ITGA4: variants seen among roughly 807,000 people sequenced by gnomAD.
The protein encoded by ITGA4 is integrin subunit alpha 4, also known as integrin alpha-4.
Under a neutral mutation model 133.6 loss-of-function variants are expected in ITGA4, and 63 were observed. The observed-to-expected ratio is 0.47, with a 90% CI of 0.38 to 0.58. The LOEUF is 0.58. Among genes scored for constraint, ITGA4 ranks in the 20% least tolerant of loss-of-function variants. The probability of loss-of-function intolerance (pLI) is 0.00; values close to 1 mark genes in which losing one functional copy is unlikely to be tolerated. For missense variants in ITGA4, 1,076 were observed against 1,252.7 expected, an observed-to-expected ratio of 0.86 and a Z score of 2.13; for synonymous variants, 483 against 438.0, an observed-to-expected ratio of 1.10 and a Z score of -1.28.
chr2:181,534,669 C>T (rs1687017913), intron 26 of ITGA4, 147 bp from the exon 27 acceptor site: 1 of 686,280 alleles, frequency 1.5e-6, no homozygotes, highest in African/African-American at 1.8e-5. Context: ...GTGTTTCCTG[C>T]AATTATATTA....
At position 181,537,211 on chromosome 2, in the gene ITGA4, G is replaced by T. The variant is rs1559063081; in HGVS notation, c.*1684G>T. 2.2e-6 allele frequency: 1 copy of T among 453,064 alleles called. No individual in the cohort carries two copies. Among genetic ancestry groups the T allele is most frequent in the Non-Finnish European group, 4.4e-6 (1 of 226,026 alleles). The allele number at this position is 453,064 out of a possible 1,614,324, so 28.1% of individuals were successfully genotyped here. A position where few individuals can be genotyped will look rare whatever the true frequency, so the allele number is the denominator to read the frequency against. ...AGATGAAAAATCAAGCCCCGATTTA[G>T]AACTGTCTTCTCCAGGATGGTCTCT... On this transcript the variant is annotated 3_prime_UTR_variant, in exon 28 of 28. Coordinates refer to ENST00000397033, the MANE Select transcript of ITGA4 (RefSeq NM_000885.6).
intron 5 of ITGA4, 116 bp from the exon 6 acceptor site, chr2:181,480,021 C>A: frequency 1.6e-6 from 1 of 608,196 alleles, no homozygotes; most frequent in Non-Finnish European, 2.5e-6. Flanking sequence ...ACAGAATATT[C>A]CTACTTCAGG....
At chr2:181,500,475 A>C (rs1686244537) in intron 15 of ITGA4, among the ~76,000 whole-genome samples, 2 of 152,186 alleles carry the variant, frequency 1.3e-5, no homozygotes, top group Admixed American at 1.3e-4. Flanking sequence ...ATAAGACAGC[A>C]ACCTGAATTC....
At position 181,538,308 on chromosome 2, in the gene ITGA4, A is replaced by G. The variant is rs987285651; in HGVS notation, c.*2781A>G. On this transcript the variant is annotated 3_prime_UTR_variant, in exon 28 of 28. Coordinates refer to ENST00000397033, the MANE Select transcript of ITGA4 (RefSeq NM_000885.6). ...TGTTTTTCACATACACCTAATAAGTATGGTACACAATGCCAATGCCAAATA... is the reference window on the plus strand; with the variant it reads ...TGTTTTTCACATACACCTAATAAGTGTGGTACACAATGCCAATGCCAAATA... 3 of 890,778 alleles carry G rather than the reference A, an allele frequency of 3.4e-6. No individual in the cohort carries two copies. Among genetic ancestry groups the G allele is most frequent in the South Asian group, 2.8e-5 (2 of 71,906 alleles). 55.2% of individuals were successfully genotyped at this position (890,778 alleles called of 1,614,324 possible).
intron 10 of ITGA4, among the ~76,000 whole-genome samples, chr2:181,487,218 A>G (rs1267124478): frequency 6.6e-6 from 1 of 152,114 alleles, no homozygotes; most frequent in Non-Finnish European, 1.5e-5. Context: ...ACCCATCACT[A>G]GCTTCCCCCT....
chr2:181,506,576 A>G (rs549202086), intron 15 of ITGA4, among the ~76,000 whole-genome samples: 1 of 152,240 alleles, frequency 6.6e-6, no homozygotes, highest in South Asian at 2.1e-4. Context: ...AAGAGAAAAA[A>G]GATTACATCC....
At chr2:181,515,007 C>A (rs928713456) in intron 17 of ITGA4, among the ~76,000 whole-genome samples, 1 of 151,952 alleles carries the variant, frequency 6.6e-6, no homozygotes, top group African/African-American at 2.4e-5. Flanking sequence ...TGTCTCTGAG[C>A]CACCTTTATG....
In ITGA4 at chr2:181,536,304, TA is replaced by T. The variant is rs1687085737; in HGVS notation, c.*778del. 1.3e-5 allele frequency: 2 copies of T among 152,110 alleles called. No homozygotes were observed. Among genetic ancestry groups the T allele is most frequent in the Non-Finnish European group, 2.9e-5 (2 of 67,990 alleles). The allele number at this position is 152,110 out of a possible 1,614,324, so 9.4% of individuals were successfully genotyped here. On this transcript the variant is annotated 3_prime_UTR_variant, in exon 28 of 28. Transcript: ENST00000397033. The stretch of plus-strand genomic sequence containing the variant: ...ATCTATTCTTCCTATAACACACCTT[TA>T]TCAAGCATACCCAGGAGTAATCTTC...
intron 5 of ITGA4, chr2:181,479,048 C>G: frequency 3.0e-6 from 1 of 328,180 alleles, no homozygotes; most frequent in Non-Finnish European, 5.6e-6. Flanking sequence ...GAATGAAAAT[C>G]TATACTAAAG....
At chr2:181,477,723 G>A (rs988221850) in intron 4 of ITGA4, among the ~76,000 whole-genome samples, 5 of 152,110 alleles carry the variant, frequency 3.3e-5, no homozygotes, top group Admixed American at 2.6e-4. Context: ...GTGAAGAAAA[G>A]GGAACCCTTG....
chr2:181,494,669 C>T, intron 11 of ITGA4, 53 bp from the exon 12 acceptor site: 1 of 888,888 alleles, frequency 1.1e-6, no homozygotes, highest in Non-Finnish European at 1.9e-6. Context: ...CATTGCTTCT[C>T]TGGTATATTA....
intron 24 of ITGA4, 27 bp downstream of exon 24, chr2:181,530,676 T>G: frequency 6.3e-7 from 1 of 1,598,596 alleles, no homozygotes; most frequent in Non-Finnish European, 8.6e-7. Context: ...CAGGTTGTAG[T>G]TCCTGCTTTC....
intron 1 of ITGA4, 59 bp downstream of exon 1, chr2:181,457,910 C>T (rs1685167201): frequency 6.9e-7 from 1 of 1,458,542 alleles, no homozygotes; most frequent in Non-Finnish European, 9.3e-7. Flanking sequence ...GAATGGCGCC[C>T]TAGGGATTCC....
chr2:181,497,556 A>G (rs1468804868), intron 14 of ITGA4, among the ~76,000 whole-genome samples: 1 of 152,164 alleles, frequency 6.6e-6, no homozygotes, highest in African/African-American at 2.4e-5. Flanking sequence ...GGACTTCATT[A>G]TTTTCCAACT....
chr2:181,520,317 TG>T (rs1057004309), intron 17 of ITGA4, among the ~76,000 whole-genome samples: 1 of 152,138 alleles, frequency 6.6e-6, no homozygotes, highest in Non-Finnish European at 1.5e-5. Context: ...CAAAACATCC[TG>T]GTGTATTAGA....
At position 181,490,464 on chromosome 2, in the gene ITGA4, T is replaced by G. The variant is rs910366688; in HGVS notation, c.1154-2861T>G. The stretch of plus-strand genomic sequence containing the variant: ...CAGAATACATGATTTCATTTTTTTT[T>G]TTTATGGCTGAATAGTATTCGTGTG... On this transcript the variant is annotated intron_variant, in intron 10 of 27. Coordinates refer to ENST00000397033, the MANE Select transcript of ITGA4 (RefSeq NM_000885.6). Among the ~76,000 whole-genome samples, 22 of 150,808 alleles carry G rather than the reference T, an allele frequency of 1.5e-4. 1 individual carries two copies. The highest frequency in any genetic ancestry group is 4.4e-5 in the Non-Finnish European group (3 of 67,802).
At chr2:181,486,838 T>C (rs1347465354) in intron 10 of ITGA4, among the ~76,000 whole-genome samples, 1 of 152,176 alleles carries the variant, frequency 6.6e-6, no homozygotes, top group Non-Finnish European at 1.5e-5. Context: ...GGGTTCATAA[T>C]TGTCTTCTTG....
Position 181,536,792 on chromosome 2 carries a change from A to C in ITGA4, c.*1265A>C. 1 of 254,688 alleles carries C rather than the reference A, an allele frequency of 3.9e-6. No homozygotes were observed. Among genetic ancestry groups the C allele is most frequent in the East Asian group, 1.0e-4 (1 of 9,958 alleles). The allele number at this position is 254,688 out of a possible 1,614,324, so 15.8% of individuals were successfully genotyped here. A position where few individuals can be genotyped will look rare whatever the true frequency, so the allele number is the denominator to read the frequency against. ...CAATCATTTTTGTAATATTTATTTT[A>C]TGCTTATGATCTAGATAATTGCAGA... is the stretch of plus-strand genomic sequence containing the variant. On this transcript the variant is annotated 3_prime_UTR_variant, in exon 28 of 28. Coordinates refer to ENST00000397033, the MANE Select transcript of ITGA4 (RefSeq NM_000885.6).
chr2:181,530,058 C>T (rs1252803530), intron 23 of ITGA4, among the ~76,000 whole-genome samples: 2 of 152,028 alleles, frequency 1.3e-5, no homozygotes, highest in Admixed American at 6.5e-5. Flanking sequence ...TCTTAAGAAC[C>T]GATATTCTTG....
Sources: gnomAD v4.1 joint callset for allele counts (sites outside exome capture counted in the v4.1 genomes callset) on GRCh38, gnomAD v4.1.1 for gene constraint, MANE v1.5 for transcripts, NCBI Gene and HGNC (gene_info 2026-07-23, HGNC 2026-07-21) for gene names.